The following UBE2E2 variants were observed in gnomAD, a reference collection of about 807,000 sequenced individuals.
UBE2E2 encodes ubiquitin-conjugating enzyme E2 E2.
In UBE2E2, 6 loss-of-function variants were observed where a neutral mutation model predicts 24.7. The observed-to-expected ratio is 0.24, with a 90% confidence interval of 0.13 to 0.48. UBE2E2 has a LOEUF of 0.48. Among genes scored for constraint, UBE2E2 ranks in the 20% least tolerant of loss-of-function variants. The pLI, the probability that UBE2E2 is intolerant of heterozygous loss-of-function variation, is 0.99. For synonymous variants in UBE2E2, 104 were observed against 83.6 expected (o/e 1.24, Z -1.33); for missense variants, 169 against 245.0 (o/e 0.69, Z 2.07).
chr3:23,338,813 A>G (rs1221019203), intron 3 of UBE2E2, among the ~76,000 whole-genome samples: 1 of 152,218 alleles, frequency 6.6e-6, no homozygotes, highest in African/African-American at 2.4e-5. Flanking sequence ...AGAAAGGAAC[A>G]CACTTTCTTG....
chr3:23,429,503 T>C (rs995063082), intron 3 of UBE2E2, among the ~76,000 whole-genome samples: 5 of 152,148 alleles, frequency 3.3e-5, no homozygotes, highest in Non-Finnish European at 1.5e-5. Flanking sequence ...TTAATATAAT[T>C]CATCCCGTCA....
At chr3:23,306,915 GCAA>G (rs1259431523) in intron 3 of UBE2E2, among the ~76,000 whole-genome samples, 1 of 152,010 alleles carries the variant, frequency 6.6e-6, no homozygotes, top group African/African-American at 2.4e-5. Context: ...CATTAATTCA[GCAA>G]GAGATTAAGC....
chr3:23,561,240 A>C (rs916406980), intron 5 of UBE2E2, among the ~76,000 whole-genome samples: 9 of 152,112 alleles, frequency 5.9e-5, no homozygotes, highest in Non-Finnish European at 1.3e-4. Context: ...TCTTGAATTA[A>C]TTTTTGTATA....
intron 3 of UBE2E2, among the ~76,000 whole-genome samples, chr3:23,321,924 A>G (rs1694749182): frequency 6.6e-6 from 1 of 152,034 alleles, no homozygotes; most frequent in South Asian, 2.1e-4. Context: ...TTCATCAGGT[A>G]ATTTATGCCG....
chr3:23,246,079 C>A (rs35743404), intron 3 of UBE2E2, among the ~76,000 whole-genome samples: 1 of 152,070 alleles, frequency 6.6e-6, no homozygotes, highest in African/African-American at 2.4e-5. Context: ...TAGTCTTGTT[C>A]TATCACCCAA....
At chr3:23,337,155 A>T (rs1012061846) in intron 3 of UBE2E2, among the ~76,000 whole-genome samples, 1 of 151,934 alleles carries the variant, frequency 6.6e-6, no homozygotes, top group Non-Finnish European at 1.5e-5. Flanking sequence ...AAAAAAAAAA[A>T]AATTCAGCTG....
intron 3 of UBE2E2, among the ~76,000 whole-genome samples, chr3:23,299,494 C>T (rs1431244153): frequency 8.6e-5 from 13 of 150,446 alleles, no homozygotes; most frequent in African/African-American, 1.9e-4. Flanking sequence ...TCTTTGTTCT[C>T]GTTGGTTTCA....
At chr3:23,261,283 G>A (rs952896665) in intron 3 of UBE2E2, among the ~76,000 whole-genome samples, 1 of 151,768 alleles carries the variant, frequency 6.6e-6, no homozygotes, top group Non-Finnish European at 1.5e-5. Context: ...ACCAGAAAAA[G>A]TTTTTGTTTT....
Position 23,409,083 on chromosome 3 carries a change from G to A in UBE2E2, c.228-90525G>A, listed in dbSNP as rs558282693. On this transcript the variant is annotated intron_variant, in intron 3 of 5. Coordinates refer to ENST00000396703, the MANE Select transcript of UBE2E2 (RefSeq NM_152653.4). ...TAAAGAGGATGATTCTGATGGCATT[G>A]TTGGGCTACATTCCTGACCATTGGC... Among the ~76,000 whole-genome samples the A allele has an allele frequency of 4.6e-5, 7 of 152,256 alleles. No individual in the cohort carries two copies. The South Asian group carries it at 1.5e-3, about 32-fold the overall frequency.
At chr3:23,387,863 CTT>C (rs1453415985) in intron 3 of UBE2E2, among the ~76,000 whole-genome samples, 2 of 152,146 alleles carry the variant, frequency 1.3e-5, no homozygotes, top group Admixed American at 6.5e-5. Context: ...CAGAATTAGA[CTT>C]TTTCTCTAAT....
At chr3:23,295,660 G>C (rs9810575) in intron 3 of UBE2E2, among the ~76,000 whole-genome samples, 1 of 152,306 alleles carries the variant, frequency 6.6e-6, no homozygotes, top group South Asian at 2.1e-4. Context: ...ATACCTACAC[G>C]AGAGGGAGTT....
At chr3:23,492,983 A>T (rs903503027) in intron 3 of UBE2E2, among the ~76,000 whole-genome samples, 1 of 152,150 alleles carries the variant, frequency 6.6e-6, no homozygotes, top group Non-Finnish European at 1.5e-5. Flanking sequence ...AATTATTAAA[A>T]TTACTAATGA....
In UBE2E2 at chr3:23,205,556, A is replaced by T. The variant is rs186924700; in HGVS notation, c.-9+2092A>T. Among the ~76,000 whole-genome samples the T allele has an allele frequency of 9.2e-5, 14 of 152,300 alleles. No individual in the cohort carries two copies. In the East Asian group the frequency reaches 2.3e-3, roughly 25 times the overall value. ...CTGTAATCAAGCATTCAAAAAACAA[A>T]CCCAGGAGAAATTCCTTTTATTATT... On this transcript the variant is annotated intron_variant, in intron 1 of 5. Transcript: ENST00000396703.
chr3:23,353,942 C>G (rs1462198799), intron 3 of UBE2E2, among the ~76,000 whole-genome samples: 1 of 152,062 alleles, frequency 6.6e-6, no homozygotes, highest in East Asian at 1.9e-4. Flanking sequence ...AGTCCTAAGC[C>G]AAAAGAACAA....
At chr3:23,369,052 G>A (rs756330456) in intron 3 of UBE2E2, among the ~76,000 whole-genome samples, 6 of 152,142 alleles carry the variant, frequency 3.9e-5, no homozygotes, top group Non-Finnish European at 8.8e-5. Flanking sequence ...GCAGAAACTG[G>A]AATTGCAGAT....
chr3:23,314,924 G>T (rs1694529376), intron 3 of UBE2E2, among the ~76,000 whole-genome samples: 1 of 152,108 alleles, frequency 6.6e-6, no homozygotes, highest in Non-Finnish European at 1.5e-5. Flanking sequence ...CCTTGAGGTG[G>T]TCTTCTTTGG....
chr3:23,585,138 G>A (rs2125521371), intron 5 of UBE2E2, among the ~76,000 whole-genome samples: 1 of 152,074 alleles, frequency 6.6e-6, no homozygotes, highest in African/African-American at 2.4e-5. Flanking sequence ...CACTTTTGGA[G>A]GCCAAGGTGG....
At chr3:23,527,956 C>G (rs907439927) in intron 4 of UBE2E2, among the ~76,000 whole-genome samples, 2 of 152,128 alleles carry the variant, frequency 1.3e-5, no homozygotes, top group Non-Finnish European at 2.9e-5. Context: ...GTGTGAACTG[C>G]TTTAGCAAAT....
intron 3 of UBE2E2, among the ~76,000 whole-genome samples, chr3:23,316,878 G>A (rs1267582402): frequency 6.6e-6 from 1 of 152,066 alleles, no homozygotes. Flanking sequence ...TCTGACCCAG[G>A]ATATGTCTAG....
Sources: allele counts gnomAD v4.1 joint callset (sites outside exome capture counted in the v4.1 genomes callset), GRCh38; gene constraint gnomAD v4.1.1; transcripts MANE v1.5; gene names NCBI Gene and HGNC (gene_info 2026-07-23, HGNC 2026-07-21).